SNTB1: variants seen among roughly 807,000 people sequenced by gnomAD.
SNTB1 encodes beta-1-syntrophin.
SNTB1 carries 36 observed loss-of-function variants against 48.9 expected under a neutral mutation model. The ratio of observed to expected loss-of-function variants is 0.74; its 90% CI spans 0.56 to 0.97. SNTB1 has a LOEUF of 0.97. SNTB1 is among the 50% of genes least tolerant of loss of function. The probability of loss-of-function intolerance (pLI) is 0.00; values close to 1 mark genes in which losing one functional copy is unlikely to be tolerated. For missense variants in SNTB1, 786 were observed against 703.4 expected (o/e 1.12, Z -1.33); for synonymous variants, 299 against 294.6 (o/e 1.01, Z -0.15).
chr8:120,626,187 A>G (rs1816879187), intron 3 of SNTB1, among the ~76,000 whole-genome samples: 1 of 152,198 alleles, frequency 6.6e-6, no homozygotes, highest in African/African-American at 2.4e-5. Flanking sequence ...CTAACAAATT[A>G]TGTAAGAATA....
chr8:120,759,529 C>T (rs182710337), intron 1 of SNTB1, among the ~76,000 whole-genome samples: 1 of 152,254 alleles, frequency 6.6e-6, no homozygotes, highest in Admixed American at 6.5e-5. Flanking sequence ...AGTGGCATTA[C>T]AGTACTGAAG....
rs928858378 is a variant in SNTB1, at chr8:120,722,058, G to A, written c.572-28150C>T. ...CCAGCTTCATCCATGTCCCTGCAAA[G>A]GACATGAACTCATCCTTTTTTATGG... On this transcript the variant is annotated intron_variant, in intron 1 of 6. Coordinates refer to ENST00000517992, the MANE Select transcript of SNTB1 (RefSeq NM_021021.4). Among the ~76,000 whole-genome samples the A allele has an allele frequency of 2.6e-5, 4 of 152,154 alleles. No individual in the cohort carries two copies. The South Asian group carries it at 8.3e-4, about 32-fold the overall frequency.
intron 2 of SNTB1, among the ~76,000 whole-genome samples, chr8:120,656,993 G>A (rs1389977135): frequency 6.6e-6 from 1 of 152,208 alleles, no homozygotes; most frequent in African/African-American, 2.4e-5. Context: ...ATTAATGACA[G>A]TGCTATTTAC....
At chr8:120,544,220 T>C (rs1486525467) in intron 5 of SNTB1, among the ~76,000 whole-genome samples, 3 of 152,236 alleles carry the variant, frequency 2.0e-5, no homozygotes, top group African/African-American at 7.2e-5. Flanking sequence ...ATTAACTGAT[T>C]GTGATTACTT....
chr8:120,551,793 T>C (rs1195268844), intron 4 of SNTB1, among the ~76,000 whole-genome samples: 1 of 146,612 alleles, frequency 6.8e-6, no homozygotes, highest in Non-Finnish European at 1.5e-5. Context: ...GCACTGTACC[T>C]ATCACAGAAA....
intron 1 of SNTB1, 88 bp from the exon 2 acceptor site, chr8:120,693,996 T>C (rs1490745226): frequency 1.9e-6 from 2 of 1,036,140 alleles, no homozygotes; most frequent in Admixed American, 3.6e-5. Flanking sequence ...AGACTTGCTT[T>C]GGATAAGCTC....
In SNTB1 at chr8:120,684,168, A is replaced by T. The variant is rs114105854; in HGVS notation, c.788+9524T>A. Reference sequence around the variant, plus strand: ...CACATAGGCACCCTTGGGCTCTTTTATAAAGGCACTAATCCTGTTCATGAG... The same window carrying T: ...CACATAGGCACCCTTGGGCTCTTTTTTAAAGGCACTAATCCTGTTCATGAG... On this transcript the variant is annotated intron_variant, in intron 2 of 6. Transcript: ENST00000517992. Among the ~76,000 whole-genome samples, 1,202 of 152,216 alleles carry T rather than the reference A, an allele frequency of 7.9e-3. 14 individuals are homozygous for T. The highest frequency in any genetic ancestry group is 0.028 in the African/African-American group (1,165 of 41,528).
chr8:120,624,595 A>G (rs781617837), intron 3 of SNTB1, among the ~76,000 whole-genome samples: 5 of 152,172 alleles, frequency 3.3e-5, no homozygotes, highest in Non-Finnish European at 7.3e-5. Flanking sequence ...AAACCACAGC[A>G]TTCCACGCCT....
Position 120,538,266 on chromosome 8 carries a change from T to C in SNTB1, c.*611A>G, listed in dbSNP as rs2130638482. The C allele has an allele frequency of 5.0e-6, 1 of 200,742 alleles. No homozygotes were observed. The highest frequency in any genetic ancestry group is 2.3e-3 in the Middle Eastern group (1 of 436). The allele number at this position is 200,742 out of a possible 1,614,324, so 12.4% of individuals were successfully genotyped here. A position where few individuals can be genotyped will look rare whatever the true frequency, so the allele number is the denominator to read the frequency against. ...TTAATTCCTGCTCAGTATATGCTAA[T>C]GGAGACACTTTGGAATCATTCTACA... is the stretch of plus-strand genomic sequence containing the variant. On this transcript the variant is annotated 3_prime_UTR_variant, in exon 7 of 7. Transcript: ENST00000517992.
chr8:120,750,197 A>T (rs1439610621), intron 1 of SNTB1, among the ~76,000 whole-genome samples: 2 of 131,164 alleles, frequency 1.5e-5, no homozygotes, highest in Non-Finnish European at 3.1e-5. Context: ...CCTTTTCACC[A>T]TTGCCCGCTT....
At position 120,718,287 on chromosome 8, in the gene SNTB1, G is replaced by A. The variant is rs573266698; in HGVS notation, c.572-24379C>T. On this transcript the variant is annotated intron_variant, in intron 1 of 6. Coordinates refer to ENST00000517992, the MANE Select transcript of SNTB1 (RefSeq NM_021021.4). Reference sequence around the variant, plus strand: ...CTTTCAGAAAACCTCTAGGCTCCAGGAGGGCAAAGGGAGCCACGTTTACAG... The same window carrying A: ...CTTTCAGAAAACCTCTAGGCTCCAGAAGGGCAAAGGGAGCCACGTTTACAG... Among the ~76,000 whole-genome samples the A allele has an allele frequency of 1.4e-4, 22 of 152,332 alleles. No individual in the cohort carries two copies. The East Asian group carries it at 4.1e-3, about 28-fold the overall frequency.
intron 1 of SNTB1, among the ~76,000 whole-genome samples, chr8:120,745,885 C>G (rs908290998): frequency 6.6e-6 from 1 of 152,146 alleles, no homozygotes; most frequent in Non-Finnish European, 1.5e-5. Flanking sequence ...AGAGTTACTC[C>G]GTCATGCACC....
intron 4 of SNTB1, among the ~76,000 whole-genome samples, chr8:120,559,624 C>CT (rs1815619570): frequency 6.6e-6 from 1 of 152,192 alleles, no homozygotes; most frequent in Admixed American, 6.5e-5. Flanking sequence ...GTTTCTGGAT[C>CT]TTCAAATATG....
At chr8:120,705,048 A>G (rs1214896109) in intron 1 of SNTB1, among the ~76,000 whole-genome samples, 1 of 152,256 alleles carries the variant, frequency 6.6e-6, no homozygotes, top group Non-Finnish European at 1.5e-5. Flanking sequence ...CGATCAGCCT[A>G]TACCTGAAGT....
At chr8:120,811,228 G>A (rs779211180) in intron 1 of SNTB1, 45 bp downstream of exon 1, 44 of 1,543,938 alleles carry the variant, frequency 2.8e-5, no homozygotes, top group Non-Finnish European at 3.7e-5. Flanking sequence ...AAGCCGAGCA[G>A]GTGTGTGCGC....
chr8:120,540,566 C>G lies in SNTB1; in HGVS notation c.1524+1244G>C, dbSNP rs141177658. Reference sequence around the variant, plus strand: ...AAAAGTACATGATGGGTGATTGATACAGCAGCAACTGAATTAGAAATAGTC... The same window carrying G: ...AAAAGTACATGATGGGTGATTGATAGAGCAGCAACTGAATTAGAAATAGTC... On this transcript the variant is annotated intron_variant, in intron 6 of 6. Transcript: ENST00000517992. 6.4e-3 allele frequency among the ~76,000 whole-genome samples: 976 copies of G among 152,260 alleles called. 13 individuals are homozygous for G. The highest frequency in any genetic ancestry group is 0.022 in the African/African-American group (924 of 41,554).
At chr8:120,583,027 C>T (rs895229905) in intron 3 of SNTB1, among the ~76,000 whole-genome samples, 6 of 152,050 alleles carry the variant, frequency 3.9e-5, no homozygotes, top group African/African-American at 9.7e-5. Context: ...CCAGCGATTT[C>T]GTAGGCTGAA....
chr8:120,602,427 T>TGAGTAAAG (rs1454837461), intron 3 of SNTB1, among the ~76,000 whole-genome samples: 1 of 152,236 alleles, frequency 6.6e-6, no homozygotes, highest in Admixed American at 6.5e-5. Flanking sequence ...TGACCTTCCA[T>TGAGTAAAG]CAGGTGTGTG....
At chr8:120,737,219 C>T (rs1352815404) in intron 1 of SNTB1, among the ~76,000 whole-genome samples, 2 of 152,158 alleles carry the variant, frequency 1.3e-5, no homozygotes, top group East Asian at 1.9e-4. Context: ...ATTTAATCCT[C>T]TCAACCTTGC....
Sources: gnomAD v4.1 joint callset for allele counts (sites outside exome capture counted in the v4.1 genomes callset) on GRCh38, gnomAD v4.1.1 for gene constraint, MANE v1.5 for transcripts, NCBI Gene and HGNC (gene_info 2026-07-23, HGNC 2026-07-21) for gene names.